UVRAG: variants seen among roughly 807,000 people sequenced by gnomAD.
UVRAG encodes the protein UV radiation resistance-associated gene protein.
Under a neutral mutation model 78.0 loss-of-function variants are expected in UVRAG, and 19 were observed. The ratio of observed to expected loss-of-function variants is 0.24; its 90% CI spans 0.17 to 0.36. The LOEUF (loss-of-function observed/expected upper bound fraction) is 0.36. UVRAG is among the 10% of genes least tolerant of loss of function. UVRAG has a pLI of 1.00. For synonymous variants in UVRAG, 323 were observed against 324.6 expected (o/e 1.00, Z 0.05); for missense variants, 740 against 853.8 (o/e 0.87, Z 1.66).
intron 13 of UVRAG, among the ~76,000 whole-genome samples, chr11:76,070,003 A>C (rs1217565342): frequency 9.9e-5 from 15 of 152,232 alleles, no homozygotes; most frequent in Admixed American, 9.8e-4. Context: ...ATGAATGGTG[A>C]TATAGCACCA....
chr11:75,985,271 C>G (rs970381558), intron 8 of UVRAG, among the ~76,000 whole-genome samples: 2 of 150,798 alleles, frequency 1.3e-5, no homozygotes, highest in Non-Finnish European at 2.9e-5. Flanking sequence ...TTTTATTTTC[C>G]TGAAGACTAA....
intron 12 of UVRAG, among the ~76,000 whole-genome samples, chr11:76,049,005 A>T (rs922396283): frequency 6.6e-6 from 1 of 152,252 alleles, no homozygotes; most frequent in Admixed American, 6.5e-5. Context: ...AGCGCACAGT[A>T]TCATATCTTA....
chr11:75,821,857 G>A (rs1945396297), intron 1 of UVRAG, among the ~76,000 whole-genome samples: 1 of 151,758 alleles, frequency 6.6e-6, no homozygotes, highest in African/African-American at 2.4e-5. Context: ...TTAGACTAGG[G>A]TGGTGGTGTT....
At chr11:75,918,441 A>G (rs1034528328) in intron 6 of UVRAG, among the ~76,000 whole-genome samples, 6 of 152,048 alleles carry the variant, frequency 3.9e-5, no homozygotes, top group Admixed American at 1.3e-4. Context: ...GCTTTGATAT[A>G]TCATGTACAG....
intron 8 of UVRAG, among the ~76,000 whole-genome samples, chr11:75,995,179 G>GTTT (rs576218071): frequency 2.1e-4 from 30 of 140,804 alleles, no homozygotes; most frequent in African/African-American, 7.7e-4. Context: ...TTTTATAAAA[G>GTTT]TTTTTTTTTT....
At chr11:75,899,053 G>A (rs1426443651) in intron 5 of UVRAG, among the ~76,000 whole-genome samples, 1 of 151,858 alleles carries the variant, frequency 6.6e-6, no homozygotes, top group African/African-American at 2.4e-5. Context: ...AGGAAAAGTT[G>A]GAAAAAAAAT....
At chr11:75,976,276 T>C (rs1385023052) in intron 7 of UVRAG, among the ~76,000 whole-genome samples, 1 of 152,224 alleles carries the variant, frequency 6.6e-6, no homozygotes, top group East Asian at 1.9e-4. Context: ...TGCCAGTGTT[T>C]TACTGAGGAT....
chr11:76,046,773 G>A (rs1950765479), intron 12 of UVRAG, among the ~76,000 whole-genome samples: 1 of 151,916 alleles, frequency 6.6e-6, no homozygotes, highest in Non-Finnish European at 1.5e-5. Context: ...AGGAATAAAA[G>A]GATATTAATT....
At chr11:75,906,680 C>T (rs771590679) in intron 5 of UVRAG, among the ~76,000 whole-genome samples, 2 of 152,134 alleles carry the variant, frequency 1.3e-5, no homozygotes, top group South Asian at 4.1e-4. Context: ...GTCTTTGATT[C>T]ATTTTGAGGT....
chr11:75,852,029 C>A (rs1235713640), intron 2 of UVRAG, 29 bp downstream of exon 2: 1 of 1,446,334 alleles, frequency 6.9e-7, no homozygotes, highest in East Asian at 2.3e-5. Flanking sequence ...TTACTACCCA[C>A]AGATTGTTAT....
intron 5 of UVRAG, among the ~76,000 whole-genome samples, chr11:75,903,904 A>G (rs1193376403): frequency 6.6e-6 from 1 of 152,200 alleles, no homozygotes; most frequent in Admixed American, 6.5e-5. Context: ...TGTAGTTTTA[A>G]TGAAGTTAAG....
rs567077124 is a variant in UVRAG at position 75,957,828 on chromosome 11, T to C, written c.594-3616T>C. Among the ~76,000 whole-genome samples, 29 of 152,322 alleles carry C rather than the reference T, an allele frequency of 1.9e-4. No homozygotes were observed. In the East Asian group the frequency reaches 5.6e-3, roughly 29 times the overall value. ...TTAAAAATTTCATAACTCAATTGTTTGGGGCTAATACAGGAATACCTTGGA... is the reference window on the plus strand; with the variant it reads ...TTAAAAATTTCATAACTCAATTGTTCGGGGCTAATACAGGAATACCTTGGA... On this transcript the variant is annotated intron_variant, in intron 6 of 14. Transcript: ENST00000356136.
intron 1 of UVRAG, among the ~76,000 whole-genome samples, chr11:75,843,564 C>G (rs79115611): frequency 0.026 from 3,932 of 152,236 alleles, 153 homozygotes; most frequent in African/African-American, 0.085. Flanking sequence ...TGACTCTGCT[C>G]TCTTCCTTGT....
chr11:75,969,809 C>T (rs960013466), intron 7 of UVRAG, among the ~76,000 whole-genome samples: 3 of 152,078 alleles, frequency 2.0e-5, no homozygotes, highest in South Asian at 2.1e-4. Flanking sequence ...TGTCCATGCC[C>T]GTTGCTTCAA....
chr11:76,115,894 A>G lies in UVRAG; in HGVS notation c.1306-30A>G, dbSNP rs900232916. ...TCCGAAGCTTATAATCTGCCAAAAT[A>G]TCTTTAATTCTATTTTTTCACCTTC... On this transcript the variant is annotated intron_variant, in intron 13 of 14. Coordinates refer to ENST00000356136, the MANE Select transcript of UVRAG (RefSeq NM_003369.4). The G allele has an allele frequency of 6.8e-6, 11 of 1,607,006 alleles. No homozygotes were observed. In the African/African-American group the frequency reaches 1.1e-4, roughly 16 times the overall value.
chr11:75,880,025 A>C lies in UVRAG; in HGVS notation c.417A>C (p.Lys139Asn), dbSNP rs748746208. The C allele has an allele frequency of 6.2e-7, 1 of 1,614,170 alleles. No individual in the cohort carries two copies. The highest frequency in any genetic ancestry group is 2.2e-5 in the East Asian group (1 of 44,880). The change falls in exon 4 of 15, where the codon AAA (lysine) becomes AAC (asparagine). Residue 139 changes from lysine to asparagine, a missense_variant. Lys to Asn is a moderately conservative substitution (Grantham distance 94, BLOSUM62 0). Transcript: ENST00000356136. Reference protein sequence around the residue: ...IEWKVCLDGLKYLGQQIHARN... With the variant: ...IEWKVCLDGLNYLGQQIHARN... ...GGAAAGTCTGTTTGGATGGGCTGAA[A>C]TACTTGGGTCAGCAGGTAATTTTTA...
At chr11:75,893,986 A>G (rs1336112097) in intron 5 of UVRAG, among the ~76,000 whole-genome samples, 1 of 152,180 alleles carries the variant, frequency 6.6e-6, no homozygotes, top group Non-Finnish European at 1.5e-5. Flanking sequence ...TTTACTACCC[A>G]CAGACCCTTT....
chr11:76,141,471 C>A lies in UVRAG; in HGVS notation c.*58C>A. ...AGCTCTGCCTAAAATGAAGTGAAAG[C>A]TGCACTTAACCCTTTGTGATAATGA... On this transcript the variant is annotated 3_prime_UTR_variant, in exon 15 of 15. Coordinates refer to ENST00000356136, the MANE Select transcript of UVRAG (RefSeq NM_003369.4). The A allele has an allele frequency of 6.8e-7, 1 of 1,465,840 alleles. No homozygotes were observed. The allele number at this position is 1,465,840 out of a possible 1,614,324, so 90.8% of individuals were successfully genotyped here. A position where few individuals can be genotyped will look rare whatever the true frequency, so the allele number is the denominator to read the frequency against.
At chr11:75,906,381 CT>C (rs112359113) in intron 5 of UVRAG, among the ~76,000 whole-genome samples, 10,138 of 152,044 alleles carry the variant, frequency 0.067, 480 homozygotes, top group African/African-American at 0.13. Flanking sequence ...GAGTCTCACT[CT>C]GTTGCCCAGG....
Sources: gnomAD v4.1 joint callset for allele counts (sites outside exome capture counted in the v4.1 genomes callset) on GRCh38, gnomAD v4.1.1 for gene constraint, MANE v1.5 for transcripts, NCBI Gene and HGNC (gene_info 2026-07-23, HGNC 2026-07-21) for gene names.